The following SRCAP variants were observed in gnomAD, a reference collection of about 807,000 sequenced individuals.
The protein encoded by SRCAP is Snf2 related CREBBP activator protein, also known as chromatin remodeling protein SRCAP.
In SRCAP, 46 loss-of-function variants were observed where a neutral mutation model predicts 263.1. The ratio of observed to expected loss-of-function variants is 0.17; its 90% CI spans 0.14 to 0.22. The LOEUF is 0.22. Ranked by LOEUF, SRCAP falls within the 10% of genes least tolerant of loss-of-function variation. The probability of loss-of-function intolerance (pLI) is 1.00; values close to 1 mark genes in which losing one functional copy is unlikely to be tolerated. For synonymous variants in SRCAP, 1,813 were observed against 1,662.1 expected (o/e 1.09, Z -2.21); for missense variants, 3,695 against 4,181.9 (o/e 0.88, Z 3.21).
chr16:30,713,409 T>C, intron 15 of SRCAP, 32 bp downstream of exon 15: 1 of 1,613,382 alleles, frequency 6.2e-7, no homozygotes, highest in Non-Finnish European at 8.5e-7. Flanking sequence ...CATGGGAGGG[T>C]TGACTTGGCT....
At position 30,711,826 on chromosome 16, in the gene SRCAP, A is replaced by G. The variant is rs967636667; in HGVS notation, c.1493-9A>G. On this transcript the variant is annotated splice_polypyrimidine_tract_variant and intron_variant, in intron 11 of 33. Coordinates refer to ENST00000262518, the MANE Select transcript of SRCAP (RefSeq NM_006662.3). ...ATGATGAGCAGTAAGCCTTGGTCTT[A>G]CCCTTTAGACTCTGTGGAGGACCGG... 4.3e-6 allele frequency: 7 copies of G among 1,613,296 alleles called. No homozygotes were observed. The South Asian group carries it at 4.4e-5, about 10-fold the overall frequency.
intron 8 of SRCAP, 140 bp downstream of exon 8, chr16:30,710,268 T>TG: frequency 1.1e-6 from 1 of 921,888 alleles, no homozygotes; most frequent in Admixed American, 2.9e-5. Flanking sequence ...TGGGGATGAC[T>TG]GGGGAAGAAT....
At chr16:30,704,533 A>G (rs945258434) in intron 4 of SRCAP, among the ~76,000 whole-genome samples, 1 of 152,114 alleles carries the variant, frequency 6.6e-6, no homozygotes, top group Non-Finnish European at 1.5e-5. Flanking sequence ...TAGGCTATTA[A>G]GAGGTTTAAG....
chr16:30,704,012 A>C lies in SRCAP; in HGVS notation c.55-52A>C. On this transcript the variant is annotated intron_variant, in intron 3 of 33. Transcript: ENST00000262518. ...TCGGATGAAATAATGTATCTAAAACACTCAGCACAGTGCGAAGCATTTATT... is the reference window on the plus strand; with the variant it reads ...TCGGATGAAATAATGTATCTAAAACCCTCAGCACAGTGCGAAGCATTTATT... 1.9e-6 allele frequency: 3 copies of C among 1,565,762 alleles called. No individual in the cohort carries two copies. In the South Asian group the frequency reaches 3.6e-5, roughly 19 times the overall value.
intron 13 of SRCAP, 36 bp downstream of exon 13, chr16:30,712,475 G>A (rs2052902390): frequency 6.5e-7 from 1 of 1,541,070 alleles, no homozygotes; most frequent in South Asian, 1.3e-5. Context: ...GTTCCCCCTA[G>A]TCTAGCTCCC....
intron 16 of SRCAP, among the ~76,000 whole-genome samples, chr16:30,714,022 C>T (rs546376887): frequency 1.3e-5 from 2 of 149,988 alleles, no homozygotes; most frequent in Non-Finnish European, 3.0e-5. Context: ...CTCAGCCTCC[C>T]GAGTAGCCAG....
intron 3 of SRCAP, among the ~76,000 whole-genome samples, chr16:30,702,578 C>T (rs1007115532): frequency 8.2e-6 from 1 of 122,698 alleles, no homozygotes; most frequent in Non-Finnish European, 1.7e-5. Flanking sequence ...TCCCTCCCTC[C>T]CTCCCTCCCT....
Position 30,722,709 on chromosome 16 carries a change from G to T in SRCAP, c.3853G>T (p.Ala1285Ser). Reference protein sequence around the residue: ...LPSSTPSTTPAPTGLSLPLAA... With the variant: ...LPSSTPSTTPSPTGLSLPLAA... ...TTCTTCGACCCCCAGCACCACCCCT[G>T]CCCCTACTGGCCTCAGCCTTCCGCT... is the stretch of plus-strand genomic sequence containing the variant. Residue 1285 changes from alanine (A) to serine (S), a missense_variant, in exon 23 of 34, where the codon GCC (alanine) becomes TCC (serine). This residue lies in a region of SRCAP where 1,347 missense variants were observed against 1,304.4 expected (regional missense o/e 1.03). Transcript: ENST00000262518. 3 of 1,613,266 alleles carry T rather than the reference G, an allele frequency of 1.9e-6. No individual in the cohort carries two copies. The highest frequency in any genetic ancestry group is 1.7e-6 in the Non-Finnish European group (2 of 1,179,768).
At chr16:30,699,291 G>C (rs1188893244) in intron 1 of SRCAP, 49 bp downstream of exon 1, 4 of 398,530 alleles carry the variant, frequency 1.0e-5, no homozygotes, top group African/African-American at 8.2e-5. Flanking sequence ...GTGAATCAAA[G>C]CCGGCACTGT....
In SRCAP at chr16:30,704,133, G is replaced by A. The variant is rs369999790; in HGVS notation, c.124G>A (p.Gly42Arg). Residue 42 changes from glycine (G) to arginine (R), a missense_variant, in exon 4 of 34, where the codon GGG becomes AGG. Physicochemically the swap from Gly to Arg is moderately radical, Grantham distance 125. Transcript: ENST00000262518. ...PASSSSPASS[G>R]AGGISPQHIA... ...CTCATCCAGTTCCCCAGCCTCTAGTGGGGCAGGCGGCATCTCCCCGCAGCA... is the reference window on the plus strand; with the variant it reads ...CTCATCCAGTTCCCCAGCCTCTAGTAGGGCAGGCGGCATCTCCCCGCAGCA... 6.8e-6 allele frequency: 11 copies of A among 1,614,064 alleles called. No individual in the cohort carries two copies. In the African/African-American group the frequency reaches 9.3e-5, roughly 14 times the overall value.
intron 10 of SRCAP, 132 bp from the exon 11 acceptor site, chr16:30,711,439 A>G (rs2052889968): frequency 1.1e-6 from 1 of 887,642 alleles, no homozygotes; most frequent in South Asian, 1.8e-5. Flanking sequence ...GCTGAAAGTA[A>G]GCTCTTTTGC....
At position 30,736,245 on chromosome 16, in the gene SRCAP, C is replaced by G; in HGVS notation, c.6775C>G (p.Gln2259Glu). Reference sequence around the variant, plus strand: ...TGAAGAGGATATCCGTGCAGCCACCCAGGCCAAGGCTGAACAGGTGGCTGA... The same window carrying G: ...TGAAGAGGATATCCGTGCAGCCACCGAGGCCAAGGCTGAACAGGTGGCTGA... ...EDEEDIRAATQAKAEQVAELA... is the reference protein window; with the variant it reads ...EDEEDIRAATEAKAEQVAELA... The change falls in exon 32 of 34, where the codon CAG becomes GAG. Residue 2259 changes from glutamine to glutamate, a missense_variant. Gln to Glu is a conservative substitution (Grantham distance 29, BLOSUM62 2). Transcript: ENST00000262518. 6.2e-7 allele frequency: 1 copy of G among 1,614,126 alleles called. No individual in the cohort carries two copies. Among genetic ancestry groups the G allele is most frequent in the Non-Finnish European group, 8.5e-7 (1 of 1,180,032 alleles).
chr16:30,709,763 C>T, intron 7 of SRCAP, 28 bp downstream of exon 7: 2 of 1,614,104 alleles, frequency 1.2e-6, no homozygotes, highest in African/African-American at 1.3e-5. Flanking sequence ...TCCTGTTACT[C>T]TTCCTCATGT....
chr16:30,738,255 G>A lies in SRCAP; in HGVS notation c.8215G>A (p.Gly2739Arg), dbSNP rs1451091368. The A allele has an allele frequency of 1.2e-6, 2 of 1,612,426 alleles. No individual in the cohort carries two copies. Among genetic ancestry groups the A allele is most frequent in the South Asian group, 1.1e-5 (1 of 90,908 alleles). The part of the protein sequence containing the change: ...EIRGQGTGRP[G>R]QPPGPKVLRK... ...TAGGGGTCAAGGGACTGGTCGGCCAGGACAACCACCAGGCCCCAAAGTGCT... is the reference window on the plus strand; with the variant it reads ...TAGGGGTCAAGGGACTGGTCGGCCAAGACAACCACCAGGCCCCAAAGTGCT... The change falls in exon 34 of 34, where the codon GGA becomes AGA. Residue 2739 changes from glycine to arginine, a missense_variant. Physicochemically the swap from Gly to Arg is moderately radical, Grantham distance 125 (BLOSUM62 -2). This residue lies in a region of SRCAP where 1,207 missense variants were observed against 1,142.9 expected (regional missense o/e 1.06). Transcript: ENST00000262518.
intron 25 of SRCAP, 49 bp downstream of exon 25, chr16:30,725,131 G>A: frequency 1.9e-6 from 3 of 1,556,812 alleles, no homozygotes; most frequent in East Asian, 2.2e-5. Flanking sequence ...TTTCTTTGGA[G>A]TGTTGGTAGG....
intron 13 of SRCAP, 60 bp from the exon 14 acceptor site, chr16:30,712,619 G>T: frequency 6.2e-7 from 1 of 1,610,134 alleles, no homozygotes; most frequent in Non-Finnish European, 8.5e-7. Flanking sequence ...GGTTATAACT[G>T]AGAAATCAGA....
intron 4 of SRCAP, among the ~76,000 whole-genome samples, chr16:30,706,191 G>T (rs577568658): frequency 1.3e-5 from 2 of 152,306 alleles, no homozygotes; most frequent in South Asian, 4.1e-4. Context: ...GGGTGCGGTG[G>T]TTTTCGCCTA....
At chr16:30,709,777 C>G in intron 7 of SRCAP, 42 bp downstream of exon 7, 4 of 1,613,588 alleles carry the variant, frequency 2.5e-6, no homozygotes, top group Non-Finnish European at 3.4e-6. Flanking sequence ...CTCATGTACC[C>G]TTTCCAGAGC....
At position 30,723,310 on chromosome 16, in the gene SRCAP, G is replaced by A. The variant is rs1263911285; in HGVS notation, c.4159+81G>A. The A allele has an allele frequency of 1.2e-5, 18 of 1,514,640 alleles. No homozygotes were observed. In the East Asian group the frequency reaches 1.4e-4, roughly 11 times the overall value. 93.8% of individuals were successfully genotyped at this position (1,514,640 alleles called of 1,614,324 possible). On this transcript the variant is annotated intron_variant, in intron 24 of 33. Coordinates refer to ENST00000262518, the MANE Select transcript of SRCAP (RefSeq NM_006662.3). ...GTCGCCTCAAGGTTTCTTAGTTTTAGTACAGGTTTTTTCATATCAGCGTAC... is the reference window on the plus strand; with the variant it reads ...GTCGCCTCAAGGTTTCTTAGTTTTAATACAGGTTTTTTCATATCAGCGTAC...
Sources: allele counts gnomAD v4.1 joint callset (sites outside exome capture counted in the v4.1 genomes callset), GRCh38; gene constraint gnomAD v4.1.1; regional missense constraint gnomAD v4.1.1; transcripts MANE v1.5; gene names NCBI Gene and HGNC (gene_info 2026-07-23, HGNC 2026-07-21).